Variants in SDK1 observed in about 807,000 individuals in gnomAD.
SDK1 encodes the protein sidekick cell adhesion molecule 1.
SDK1 carries 157 observed loss-of-function variants against 245.5 expected under a neutral mutation model. That is an observed-to-expected ratio of 0.64 (90% CI 0.56 to 0.73). The LOEUF (loss-of-function observed/expected upper bound fraction) is 0.73, where lower values mean the gene tolerates loss of function less well. Ranked by LOEUF, SDK1 falls within the 30% of genes least tolerant of loss-of-function variation. The pLI is 0.00. For missense variants in SDK1, 3,583 were observed against 3,002.3 expected (o/e 1.19, Z -4.52); for synonymous variants, 1,647 against 1,278.5 (o/e 1.29, Z -6.15).
intron 17 of SDK1, among the ~76,000 whole-genome samples, chr7:4,034,699 A>C: frequency 6.6e-6 from 1 of 152,210 alleles, no homozygotes; most frequent in East Asian, 1.9e-4. Context: ...ACTTGCAGAC[A>C]AATGAAAAGA....
At chr7:4,154,177 C>T (rs914347521) in intron 30 of SDK1, among the ~76,000 whole-genome samples, 1 of 152,136 alleles carries the variant, frequency 6.6e-6, no homozygotes, top group Admixed American at 6.5e-5. Flanking sequence ...ATGTCCTTCC[C>T]CGACGCCCAT....
intron 1 of SDK1, among the ~76,000 whole-genome samples, chr7:3,441,258 G>C (rs984536540): frequency 6.6e-6 from 1 of 151,888 alleles, no homozygotes; most frequent in African/African-American, 2.4e-5. Context: ...AATATGAATA[G>C]GAAAAAACAG....
At position 3,639,093 on chromosome 7, in the gene SDK1, C is replaced by A; in HGVS notation, c.548C>A (p.Ser183Ter). The change falls in exon 3 of 45, where the codon TCA becomes TAA. Residue 183 changes from serine to a stop codon, truncating the protein, a stop_gained. Transcript: ENST00000404826. LOFTEE classifies it high-confidence loss of function. ...NRMGALLQRK[S>*]EVQVAYMGSF... ...ATGGGAGCACTCCTGCAAAGAAAAT[C>A]AGAAGTTCAAGTCGCATGTATGTGT... is the stretch of plus-strand genomic sequence containing the variant. The A allele has an allele frequency of 6.3e-7, 1 of 1,598,566 alleles. No homozygotes were observed. Among genetic ancestry groups the A allele is most frequent in the South Asian group, 1.1e-5 (1 of 89,278 alleles).
chr7:3,971,705 G>A (rs1782501674), intron 12 of SDK1, 137 bp downstream of exon 12: 2 of 676,592 alleles, frequency 3.0e-6, no homozygotes, highest in Non-Finnish European at 5.3e-6. Flanking sequence ...TCTTCTGGTT[G>A]TGGGCACCGT....
At chr7:4,027,013 A>C (rs79795516) in intron 17 of SDK1, among the ~76,000 whole-genome samples, 1 of 152,146 alleles carries the variant, frequency 6.6e-6, no homozygotes, top group East Asian at 1.9e-4. Context: ...AACCATGTAC[A>C]TTTGGGATCA....
At chr7:3,518,932 A>G (rs563957969) in intron 1 of SDK1, among the ~76,000 whole-genome samples, 3 of 152,034 alleles carry the variant, frequency 2.0e-5, no homozygotes, top group South Asian at 4.2e-4. Flanking sequence ...AAAATGTGCT[A>G]TATATATGCA....
At chr7:3,486,703 G>C (rs898521159) in intron 1 of SDK1, among the ~76,000 whole-genome samples, 2 of 152,044 alleles carry the variant, frequency 1.3e-5, no homozygotes, top group Non-Finnish European at 1.5e-5. Flanking sequence ...GATAGATGTA[G>C]AGATAGTAGA....
intron 39 of SDK1, among the ~76,000 whole-genome samples, chr7:4,220,663 A>G (rs908544625): frequency 6.6e-6 from 1 of 152,132 alleles, no homozygotes; most frequent in Non-Finnish European, 1.5e-5. Flanking sequence ...GTTTAAAGAC[A>G]GGAAGGCGTG....
chr7:4,014,039 A>G (rs1786194469), intron 16 of SDK1, among the ~76,000 whole-genome samples: 1 of 152,104 alleles, frequency 6.6e-6, no homozygotes, highest in African/African-American at 2.4e-5. Context: ...CTTAGCCATT[A>G]CCTCTCATTC....
chr7:3,612,924 T>C (rs1781648501), intron 1 of SDK1, among the ~76,000 whole-genome samples: 1 of 149,840 alleles, frequency 6.7e-6, no homozygotes. Flanking sequence ...CCCCCCTTGT[T>C]TGTGGTACAG....
intron 35 of SDK1, 140 bp from the exon 36 acceptor site, chr7:4,205,739 G>A: frequency 1.4e-6 from 1 of 704,212 alleles, no homozygotes; most frequent in Non-Finnish European, 2.4e-6. Context: ...TCCTAAGCCA[G>A]GGCGACGGCC....
chr7:3,390,691 C>T lies in SDK1; in HGVS notation c.298+88807C>T, dbSNP rs75139464. ...GACGCAGATATTGGAGTTATGCTGC[C>T]GAAGTCAATAATGCCAAGTATTGTT... On this transcript the variant is annotated intron_variant, in intron 1 of 44. Transcript: ENST00000404826. Among the ~76,000 whole-genome samples the T allele has an allele frequency of 7.1e-3, 1,087 of 152,134 alleles. 18 individuals are homozygous for T. The highest frequency in any genetic ancestry group is 0.025 in the African/African-American group (1,045 of 41,498).
intron 1 of SDK1, among the ~76,000 whole-genome samples, chr7:3,458,743 G>C (rs559156465): frequency 6.6e-6 from 1 of 152,218 alleles, no homozygotes; most frequent in Admixed American, 6.5e-5. Context: ...GTGCAGCGCA[G>C]TGTCACCTTT....
chr7:3,487,053 C>T (rs1548210), intron 1 of SDK1, among the ~76,000 whole-genome samples: 65,131 of 151,980 alleles, frequency 0.43, 14,466 homozygotes, highest in African/African-American at 0.53. Context: ...CCACTCAGCT[C>T]GCCATTGTGT....
intron 1 of SDK1, among the ~76,000 whole-genome samples, chr7:3,318,762 C>T (rs1055649408): frequency 6.6e-6 from 1 of 152,108 alleles, no homozygotes; most frequent in African/African-American, 2.4e-5. Flanking sequence ...CATTAGGTAC[C>T]ATCATTGTTG....
intron 4 of SDK1, among the ~76,000 whole-genome samples, chr7:3,704,630 C>T (rs1784834179): frequency 6.6e-6 from 1 of 152,100 alleles, no homozygotes; most frequent in Admixed American, 6.5e-5. Context: ...TTCCCCCATT[C>T]TGTAGGTTGT....
chr7:3,365,741 C>A (rs2128561809), intron 1 of SDK1, among the ~76,000 whole-genome samples: 1 of 152,164 alleles, frequency 6.6e-6, no homozygotes, highest in East Asian at 1.9e-4. Flanking sequence ...CTCTTCAAGT[C>A]TTTTTTCCAG....
chr7:3,344,347 C>G (rs1780436769), intron 1 of SDK1, among the ~76,000 whole-genome samples: 1 of 152,174 alleles, frequency 6.6e-6, no homozygotes, highest in Non-Finnish European at 1.5e-5. Flanking sequence ...TCCACAGCTA[C>G]TTTTATCTTG....
At chr7:3,439,938 T>C (rs17840351) in intron 1 of SDK1, among the ~76,000 whole-genome samples, 27,044 of 152,130 alleles carry the variant, frequency 0.18, 2,409 homozygotes, top group South Asian at 0.22. Flanking sequence ...GCTGGACTTT[T>C]TTTTTAAGTT....
Sources: allele counts gnomAD v4.1 joint callset (sites outside exome capture counted in the v4.1 genomes callset), GRCh38; gene constraint gnomAD v4.1.1; transcripts MANE v1.5; gene names NCBI Gene and HGNC (gene_info 2026-07-23, HGNC 2026-07-21).